KALRN: variants seen among roughly 807,000 people sequenced by gnomAD.
KALRN encodes kalirin.
KALRN carries 70 observed loss-of-function variants against 353.7 expected under a neutral mutation model. That is an observed-to-expected ratio of 0.20 (90% CI 0.16 to 0.24). The LOEUF (loss-of-function observed/expected upper bound fraction) is 0.24. Among genes scored for constraint, KALRN ranks in the 10% least tolerant of loss-of-function variants. The pLI, the probability that KALRN is intolerant of heterozygous loss-of-function variation, is 1.00. For missense variants in KALRN, 2,791 were observed against 3,756.7 expected (o/e 0.74, Z 6.72); for synonymous variants, 1,391 against 1,434.8 (o/e 0.97, Z 0.69).
At chr3:124,182,495 T>G (rs184400839) in intron 1 of KALRN, among the ~76,000 whole-genome samples, 2 of 152,322 alleles carry the variant, frequency 1.3e-5, no homozygotes, top group Non-Finnish European at 2.9e-5. Flanking sequence ...GTAGCTTGTT[T>G]CATCAAAGCC....
At chr3:124,464,414 G>C (rs1037174206) in intron 25 of KALRN, among the ~76,000 whole-genome samples, 3 of 152,078 alleles carry the variant, frequency 2.0e-5, no homozygotes, top group Non-Finnish European at 4.4e-5. Flanking sequence ...GATATCACTG[G>C]TAAACCATGG....
chr3:124,054,547 C>G (rs1287589515), intron 1 of KALRN, among the ~76,000 whole-genome samples: 2 of 152,040 alleles, frequency 1.3e-5, no homozygotes, highest in African/African-American at 2.4e-5. Context: ...CAGAATGTAC[C>G]TGTAAGGCCT....
intron 9 of KALRN, among the ~76,000 whole-genome samples, chr3:124,343,862 C>T (rs750841192): frequency 2.0e-5 from 3 of 152,220 alleles, no homozygotes; most frequent in Non-Finnish European, 2.9e-5. Context: ...TTTACTGCTA[C>T]ACCCCCACCT....
intron 34 of KALRN, among the ~76,000 whole-genome samples, chr3:124,586,862 A>G (rs1044023107): frequency 2.0e-5 from 3 of 152,088 alleles, no homozygotes; most frequent in Non-Finnish European, 4.4e-5. Flanking sequence ...CCACTCTCCA[A>G]AGAAAACTCC....
In KALRN at chr3:124,474,656, C is replaced by G; in HGVS notation, c.4032-7C>G. 1.2e-6 allele frequency: 2 copies of G among 1,613,344 alleles called. No homozygotes were observed. Among genetic ancestry groups the G allele is most frequent in the Non-Finnish European group, 1.7e-6 (2 of 1,179,300 alleles). ...GTGTCTGATTCAGTCTTTTTCTCCTCTTGCAGCATCTTCCTCAAAGAGCTG... is the reference window on the plus strand; with the variant it reads ...GTGTCTGATTCAGTCTTTTTCTCCTGTTGCAGCATCTTCCTCAAAGAGCTG... On this transcript the variant is annotated splice_polypyrimidine_tract_variant and splice_region_variant and intron_variant, in intron 25 of 59. Transcript: ENST00000682506.
At chr3:124,039,431 AAG>A (rs1458043378) in intron 1 of KALRN, among the ~76,000 whole-genome samples, 14 of 152,334 alleles carry the variant, frequency 9.2e-5, no homozygotes, top group African/African-American at 3.4e-4. Context: ...AGGTAAGAAA[AAG>A]GATCTTTTTA....
chr3:124,646,797 C>A (rs1180410606), intron 37 of KALRN, among the ~76,000 whole-genome samples: 1 of 150,528 alleles, frequency 6.6e-6, no homozygotes, highest in East Asian at 2.0e-4. Context: ...AAACATAAAT[C>A]ATCATCTAGA....
rs189153043 is a variant in KALRN at position 124,718,054 on chromosome 3, T to G, written c.8415+669T>G. On this transcript the variant is annotated intron_variant, in intron 59 of 59. Coordinates refer to ENST00000682506, the MANE Select transcript of KALRN (RefSeq NM_001388419.1). ...CTTGAACTCCTGACCTCAAGTGATC[T>G]GCCCGCCTTGGCCTCCCAAAGTGCT... 7.0e-4 allele frequency among the ~76,000 whole-genome samples: 106 copies of G among 151,512 alleles called. 2 individuals are homozygous for G. The highest frequency in any genetic ancestry group is 5.6e-3 in the Admixed American group (85 of 15,232).
intron 33 of KALRN, among the ~76,000 whole-genome samples, chr3:124,508,300 C>G (rs188900331): frequency 2.6e-5 from 4 of 152,196 alleles, no homozygotes; most frequent in Non-Finnish European, 5.9e-5. Flanking sequence ...GGTCACAACC[C>G]TGGAGGTCAC....
chr3:124,234,715 C>A, intron 2 of KALRN, 114 bp from the exon 3 acceptor site: 1 of 768,458 alleles, frequency 1.3e-6, no homozygotes, highest in Non-Finnish European at 2.2e-6. Context: ...CCAGATTTCT[C>A]TGGATACCCT....
Position 124,650,719 on chromosome 3 carries a change from T to C in KALRN, c.5665-89T>C, listed in dbSNP as rs892835628. 6.1e-6 allele frequency: 8 copies of C among 1,317,126 alleles called. No homozygotes were observed. The African/African-American group carries it at 1.0e-4, about 17-fold the overall frequency. 81.6% of individuals were successfully genotyped at this position (1,317,126 alleles called of 1,614,324 possible). A position where few individuals can be genotyped will look rare whatever the true frequency, so the allele number is the denominator to read the frequency against. On this transcript the variant is annotated intron_variant, in intron 37 of 59. Transcript: ENST00000682506. ...AACAGCCTTGGCTACTGATTTTCCA[T>C]GTTGTCTGTGGCTAGGCTGGGAGGA...
Position 124,724,975 on chromosome 3 carries a change from G to T in KALRN, c.*5505G>T, listed in dbSNP as rs1456881909. The T allele has an allele frequency of 6.6e-6, 1 of 152,192 alleles. No individual in the cohort carries two copies. The highest frequency in any genetic ancestry group is 1.9e-4 in the East Asian group (1 of 5,204). The allele number at this position is 152,192 out of a possible 1,614,324, so 9.4% of individuals were successfully genotyped here. A position where few individuals can be genotyped will look rare whatever the true frequency, so the allele number is the denominator to read the frequency against. Reference sequence around the variant, plus strand: ...AATGATCAAGATAACGCATTAGTTAGATAACTGCTATTTCAGATAGTGAGG... The same window carrying T: ...AATGATCAAGATAACGCATTAGTTATATAACTGCTATTTCAGATAGTGAGG... On this transcript the variant is annotated 3_prime_UTR_variant, in exon 60 of 60. Coordinates refer to ENST00000682506, the MANE Select transcript of KALRN (RefSeq NM_001388419.1).
chr3:124,680,184 G>A (rs1377258530), intron 51 of KALRN, among the ~76,000 whole-genome samples: 2 of 152,264 alleles, frequency 1.3e-5, no homozygotes, highest in East Asian at 1.9e-4. Flanking sequence ...CTGGAGCCAC[G>A]GCAGAGGCCT....
At chr3:124,263,768 A>G (rs897498465) in intron 3 of KALRN, among the ~76,000 whole-genome samples, 1 of 152,128 alleles carries the variant, frequency 6.6e-6, no homozygotes, top group Non-Finnish European at 1.5e-5. Flanking sequence ...TAGTGGCAAG[A>G]TGTACCAGTG....
chr3:124,145,978 A>G (rs1370108815), intron 1 of KALRN, among the ~76,000 whole-genome samples: 2 of 152,234 alleles, frequency 1.3e-5, no homozygotes, highest in African/African-American at 4.8e-5. Flanking sequence ...ATGGAAAGGT[A>G]AAAGTAAATA....
chr3:124,202,840 GA>G (rs1198169326), intron 1 of KALRN, among the ~76,000 whole-genome samples: 1 of 152,104 alleles, frequency 6.6e-6, no homozygotes, highest in Non-Finnish European at 1.5e-5. Context: ...GAATCTTCTA[GA>G]GTCTCTGGAG....
chr3:124,107,727 G>T (rs1472898636), intron 1 of KALRN, among the ~76,000 whole-genome samples: 1 of 152,196 alleles, frequency 6.6e-6, no homozygotes, highest in African/African-American at 2.4e-5. Context: ...AGCAGGAAGG[G>T]CAGCCAAGAG....
At chr3:124,352,467 A>G (rs1002804343) in intron 10 of KALRN, among the ~76,000 whole-genome samples, 1 of 152,182 alleles carries the variant, frequency 6.6e-6, no homozygotes, top group African/African-American at 2.4e-5. Context: ...GCAAGCGTTT[A>G]TGTTCAAATA....
chr3:124,044,584 A>C (rs1481098098), intron 1 of KALRN, among the ~76,000 whole-genome samples: 1 of 149,518 alleles, frequency 6.7e-6, no homozygotes, highest in African/African-American at 2.5e-5. Flanking sequence ...ACCACATTCC[A>C]GGCTGGGCAA....
Sources: allele counts gnomAD v4.1 joint callset (sites outside exome capture counted in the v4.1 genomes callset), GRCh38; gene constraint gnomAD v4.1.1; transcripts MANE v1.5; gene names NCBI Gene and HGNC (gene_info 2026-07-23, HGNC 2026-07-21).